The following AKAP6 variants were observed in gnomAD, a reference collection of about 807,000 sequenced individuals.
The protein encoded by AKAP6 is A-kinase anchor protein 6.
AKAP6 carries 58 observed loss-of-function variants against 188.5 expected under a neutral mutation model. The observed-to-expected ratio is 0.31, with a 90% CI of 0.25 to 0.38. The LOEUF is 0.38. Ranked by LOEUF, AKAP6 falls within the 10% of genes least tolerant of loss-of-function variation. The probability of loss-of-function intolerance (pLI) is 1.00; values close to 1 mark genes in which losing one functional copy is unlikely to be tolerated. For synonymous variants in AKAP6, 989 were observed against 998.6 expected (o/e 0.99, Z 0.18); for missense variants, 2,710 against 2,740.0 (o/e 0.99, Z 0.24).
At chr14:32,629,984 C>T (rs1371310363) in intron 7 of AKAP6, among the ~76,000 whole-genome samples, 2 of 152,024 alleles carry the variant, frequency 1.3e-5, no homozygotes, top group Non-Finnish European at 2.9e-5. Context: ...TTGGAATGAC[C>T]TCATTATGAG....
intron 9 of AKAP6, among the ~76,000 whole-genome samples, chr14:32,715,278 TA>T (rs1254874029): frequency 6.6e-6 from 1 of 152,040 alleles, no homozygotes; most frequent in Non-Finnish European, 1.5e-5. Context: ...ATTAATGGTC[TA>T]ATTATTTTAC....
intron 1 of AKAP6, among the ~76,000 whole-genome samples, chr14:32,424,412 C>T (rs566049938): frequency 6.6e-6 from 1 of 152,002 alleles, no homozygotes; most frequent in East Asian, 1.9e-4. Context: ...CATGCAGTTT[C>T]CCCAGCCTAG....
chr14:32,776,298 C>A (rs1030575160), intron 12 of AKAP6, among the ~76,000 whole-genome samples: 2 of 152,082 alleles, frequency 1.3e-5, no homozygotes, highest in Non-Finnish European at 2.9e-5. Flanking sequence ...GGGGTGGTTT[C>A]CCCCATACTG....
At chr14:32,403,815 T>C (rs7143264) in intron 1 of AKAP6, among the ~76,000 whole-genome samples, 2,587 of 152,338 alleles carry the variant, frequency 0.017, 75 homozygotes, top group African/African-American at 0.058. Context: ...CTCATTTTCA[T>C]GAATACCGAT....
At chr14:32,433,363 G>A in intron 1 of AKAP6, 97 bp from the exon 2 acceptor site, 2 of 839,572 alleles carry the variant, frequency 2.4e-6, no homozygotes, top group South Asian at 1.9e-5. Flanking sequence ...TTAGAAATCT[G>A]GCTTAATTTA....
At chr14:32,440,488 A>C (rs61018123) in intron 2 of AKAP6, among the ~76,000 whole-genome samples, 195 of 152,180 alleles carry the variant, frequency 1.3e-3, no homozygotes, top group African/African-American at 4.6e-3. Context: ...AAAAAAAAAA[A>C]CTTGATTTAA....
At chr14:32,444,453 T>G (rs952894901) in intron 2 of AKAP6, among the ~76,000 whole-genome samples, 1 of 152,242 alleles carries the variant, frequency 6.6e-6, no homozygotes, top group Non-Finnish European at 1.5e-5. Context: ...AGGAACTGAA[T>G]AGAAATCTCT....
chr14:32,589,783 A>G (rs1885408300), intron 5 of AKAP6, among the ~76,000 whole-genome samples: 3 of 152,226 alleles, frequency 2.0e-5, no homozygotes. Flanking sequence ...CACTGCATTT[A>G]TTAAGCACTT....
chr14:32,467,665 C>T (rs181461934), intron 2 of AKAP6, among the ~76,000 whole-genome samples: 3 of 152,062 alleles, frequency 2.0e-5, no homozygotes, highest in East Asian at 3.9e-4. Context: ...TCTTAAAAAG[C>T]AGGATGGTTC....
Position 32,609,880 on chromosome 14 carries a change from GACACACACACACAC to G in AKAP6, c.2730+9117_2730+9130del, listed in dbSNP as rs71115085. 4.5e-3 allele frequency among the ~76,000 whole-genome samples: 620 copies of G among 137,380 alleles called. 6 individuals carry two copies. The East Asian group carries it at 0.049, about 11-fold the overall frequency. The allele number at this position is 137,380 out of a possible 152,430, so 90.1% of individuals were successfully genotyped here. A position where few individuals can be genotyped will look rare whatever the true frequency, so the allele number is the denominator to read the frequency against. ...GGTCTCTCTCTCTCTCTCTCTCTCT[GACACACACACACAC>G]ACACACACACACACACACACACACA... On this transcript the variant is annotated intron_variant, in intron 7 of 13. Transcript: ENST00000280979.
chr14:32,477,260 C>G (rs1291877950), intron 2 of AKAP6, among the ~76,000 whole-genome samples: 1 of 152,178 alleles, frequency 6.6e-6, no homozygotes, highest in Non-Finnish European at 1.5e-5. Flanking sequence ...ACCCTAACTT[C>G]CTTGGCTATT....
intron 12 of AKAP6, 112 bp downstream of exon 12, chr14:32,774,005 A>G: frequency 2.5e-6 from 3 of 1,210,910 alleles, no homozygotes; most frequent in Non-Finnish European, 3.6e-6. Context: ...TAACTAACTT[A>G]AAGTGGTTTT....
chr14:32,421,637 A>G (rs766425802), intron 1 of AKAP6, among the ~76,000 whole-genome samples: 2 of 151,970 alleles, frequency 1.3e-5, no homozygotes, highest in Non-Finnish European at 1.5e-5. Flanking sequence ...TGACTCTGTT[A>G]TACAAATTGG....
chr14:32,441,072 A>G (rs1294757392), intron 2 of AKAP6, among the ~76,000 whole-genome samples: 4 of 152,314 alleles, frequency 2.6e-5, no homozygotes, highest in African/African-American at 9.6e-5. Flanking sequence ...CCAGACACAG[A>G]ATCTGCTGGT....
chr14:32,448,018 G>A (rs1208795956), intron 2 of AKAP6, among the ~76,000 whole-genome samples: 1 of 152,170 alleles, frequency 6.6e-6, no homozygotes, highest in African/African-American at 2.4e-5. Context: ...CGGACCAAAG[G>A]TCCTTTTTCA....
intron 2 of AKAP6, among the ~76,000 whole-genome samples, chr14:32,493,648 T>C (rs1880156895): frequency 6.6e-6 from 1 of 152,190 alleles, no homozygotes; most frequent in Admixed American, 6.5e-5. Flanking sequence ...TGCTGGTCAC[T>C]CTGAACTAAC....
intron 2 of AKAP6, among the ~76,000 whole-genome samples, chr14:32,461,203 C>T (rs1399674784): frequency 1.3e-5 from 2 of 152,174 alleles, no homozygotes; most frequent in African/African-American, 4.8e-5. Flanking sequence ...GAGGGATTCT[C>T]CCAGCACAGC....
chr14:32,528,211 A>G (rs1428682368), intron 2 of AKAP6, among the ~76,000 whole-genome samples: 1 of 152,112 alleles, frequency 6.6e-6, no homozygotes, highest in Non-Finnish European at 1.5e-5. Flanking sequence ...TGTTGAGAAG[A>G]CTGTCTTTTC....
chr14:32,336,231 A>G (rs74379483), intron 1 of AKAP6, among the ~76,000 whole-genome samples: 1 of 150,250 alleles, frequency 6.7e-6, no homozygotes. Context: ...TTTTTTTTTT[A>G]CTGTGTGAGT....
Sources: gnomAD v4.1 joint callset for allele counts (sites outside exome capture counted in the v4.1 genomes callset) on GRCh38, gnomAD v4.1.1 for gene constraint, MANE v1.5 for transcripts, NCBI Gene and HGNC (gene_info 2026-07-23, HGNC 2026-07-21) for gene names.